CORO2B: variants seen among roughly 807,000 people sequenced by gnomAD.
CORO2B encodes the protein coronin 2B, also known as coronin-2B.
A neutral mutation model predicts 58.8 loss-of-function variants in CORO2B; 26 were observed. That is an observed-to-expected ratio of 0.44 (90% CI 0.32 to 0.61). The LOEUF (loss-of-function observed/expected upper bound fraction) is 0.61. Ranked by LOEUF, CORO2B falls within the 20% of genes least tolerant of loss-of-function variation. The probability of loss-of-function intolerance (pLI) is 0.04; values close to 1 mark genes in which losing one functional copy is unlikely to be tolerated. For synonymous variants in CORO2B, 242 were observed against 253.8 expected (o/e 0.95, Z 0.44); for missense variants, 460 against 645.1 (o/e 0.71, Z 3.11).
intron 1 of CORO2B, among the ~76,000 whole-genome samples, chr15:68,625,960 C>T (rs149138568): frequency 3.3e-5 from 5 of 152,282 alleles, no homozygotes; most frequent in Non-Finnish European, 2.9e-5. Context: ...GTAGTTTGCT[C>T]CTTTTATTGC....
upstream of CORO2B, among the ~76,000 whole-genome samples, chr15:68,574,964 A>G (rs753945071): frequency 1.6e-4 from 24 of 152,202 alleles, no homozygotes; most frequent in Non-Finnish European, 2.9e-4. Flanking sequence ...CTAATACTGC[A>G]ACGTCTTATT....
chr15:68,538,938 T>C, the CORO2B span, among the ~76,000 whole-genome samples: 4 of 152,248 alleles, frequency 2.6e-5, no homozygotes, highest in Non-Finnish European at 5.9e-5. Context: ...TCCTGAGGTG[T>C]TGATGGTTTG....
rs911459883 is a variant in CORO2B at position 68,710,286 on chromosome 15, G to C, written c.334-446G>C. ...TGCCCAGGGGTCCATCCTGGGTGGG[G>C]GACACAGTGGGGGATAAGGCCCTGC... On this transcript the variant is annotated intron_variant, in intron 3 of 11. Coordinates refer to ENST00000261861, the MANE Select transcript of CORO2B (RefSeq NM_006091.5). The surrounding 1 kb of genome is among the most constrained non-coding windows in gnomAD (Gnocchi z 4.1). 6.6e-6 allele frequency among the ~76,000 whole-genome samples: 1 copy of C among 152,162 alleles called. No individual in the cohort carries two copies. Among genetic ancestry groups the C allele is most frequent in the Non-Finnish European group, 1.5e-5 (1 of 68,026 alleles).
chr15:68,683,267 G>A (rs1048455940), intron 2 of CORO2B, among the ~76,000 whole-genome samples: 4 of 152,148 alleles, frequency 2.6e-5, no homozygotes, highest in African/African-American at 9.7e-5. Flanking sequence ...CCTGAAGGAC[G>A]AAGGCCTGTT....
At chr15:68,609,976 G>A (rs1335603536) in intron 1 of CORO2B, among the ~76,000 whole-genome samples, 1 of 152,184 alleles carries the variant, frequency 6.6e-6, no homozygotes, top group Admixed American at 6.5e-5. Flanking sequence ...TGTGCAACCA[G>A]CCTCTCCCCT....
At chr15:68,551,275 C>T in the CORO2B span, among the ~76,000 whole-genome samples, 7 of 152,206 alleles carry the variant, frequency 4.6e-5, no homozygotes, top group Middle Eastern at 3.4e-3. Context: ...TGCCTGACCC[C>T]CAGCCTACCT....
At chr15:68,668,407 TAAGATTACATCAGACAGTG>T (rs1323725274) in intron 2 of CORO2B, among the ~76,000 whole-genome samples, 2 of 144,116 alleles carry the variant, frequency 1.4e-5, no homozygotes, top group Non-Finnish European at 3.1e-5. Context: ...AAACAGTCGT[TAAGATTACATCAGACAGTG>T]ATGGGTGCTG....
At chr15:68,563,706 A>G in the CORO2B span, among the ~76,000 whole-genome samples, 1 of 152,112 alleles carries the variant, frequency 6.6e-6, no homozygotes. Flanking sequence ...ATTGGGGACA[A>G]TACTACCAAC....
intron 1 of CORO2B, among the ~76,000 whole-genome samples, chr15:68,615,704 G>A (rs1017705253): frequency 1.3e-5 from 2 of 152,196 alleles, no homozygotes; most frequent in Non-Finnish European, 2.9e-5. Context: ...CTTCCACCAT[G>A]TGAGGATGCA....
the CORO2B span, among the ~76,000 whole-genome samples, chr15:68,541,404 C>G: frequency 6.6e-6 from 1 of 152,116 alleles, no homozygotes; most frequent in African/African-American, 2.4e-5. Flanking sequence ...TAAATGAGTT[C>G]ATACTCAGTG....
At chr15:68,622,144 A>T (rs531891839) in intron 1 of CORO2B, among the ~76,000 whole-genome samples, 1 of 152,284 alleles carries the variant, frequency 6.6e-6, no homozygotes, top group African/African-American at 2.4e-5. Flanking sequence ...ATTAAATGAG[A>T]CGAAGTTGGA....
Position 68,591,858 on chromosome 15 carries a change from A to G in CORO2B, c.15+12581A>G, listed in dbSNP as rs149987532. ...AGTTTCCTTCTAGGAAAACGTGGTT[A>G]TAGCATGGCGAGAAGAGCACTGGAA... On this transcript the variant is annotated intron_variant, in intron 1 of 11. Coordinates refer to ENST00000261861, the MANE Select transcript of CORO2B (RefSeq NM_006091.5). Among the ~76,000 whole-genome samples, 11 of 152,312 alleles carry G rather than the reference A, an allele frequency of 7.2e-5. No homozygotes were observed. In the East Asian group the frequency reaches 2.1e-3, roughly 29 times the overall value.
chr15:68,586,612 G>C lies in CORO2B; in HGVS notation c.15+7335G>C, dbSNP rs962835576. Among the ~76,000 whole-genome samples the C allele has an allele frequency of 4.6e-5, 7 of 152,190 alleles. No homozygotes were observed. The South Asian group carries it at 6.2e-4, about 14-fold the overall frequency. On this transcript the variant is annotated intron_variant, in intron 1 of 11. Coordinates refer to ENST00000261861, the MANE Select transcript of CORO2B (RefSeq NM_006091.5). ...GTTATCATCCCTGCTTTACAGATAA[G>C]GACACAGGCACAGAGAAGCTAAGTC...
intron 1 of CORO2B, among the ~76,000 whole-genome samples, chr15:68,601,813 T>C (rs1380282187): frequency 1.3e-5 from 2 of 152,214 alleles, no homozygotes; most frequent in African/African-American, 4.8e-5. Context: ...CCCTCTGTGC[T>C]GCTGTAATAA....
At chr15:68,689,250 G>A (rs1490748244) in intron 2 of CORO2B, among the ~76,000 whole-genome samples, 1 of 152,004 alleles carries the variant, frequency 6.6e-6, no homozygotes, top group Non-Finnish European at 1.5e-5. Context: ...CAGGCAGCAA[G>A]GTCTCTGCCC....
At position 68,710,274 on chromosome 15, in the gene CORO2B, A is replaced by C. The variant is rs1892882483; in HGVS notation, c.334-458A>C. On this transcript the variant is annotated intron_variant, in intron 3 of 11. Transcript: ENST00000261861. The surrounding 1 kb of genome is among the most constrained non-coding windows in gnomAD (Gnocchi z 4.1). ...TGCAGTTCCCCCTGCCCAGGGGTCC[A>C]TCCTGGGTGGGGGACACAGTGGGGG... Among the ~76,000 whole-genome samples the C allele has an allele frequency of 6.6e-6, 1 of 152,136 alleles. No individual in the cohort carries two copies. The highest frequency in any genetic ancestry group is 1.5e-5 in the Non-Finnish European group (1 of 68,010).
At chr15:68,582,806 A>T (rs1272728526) in intron 1 of CORO2B, among the ~76,000 whole-genome samples, 1 of 151,668 alleles carries the variant, frequency 6.6e-6, no homozygotes, top group East Asian at 1.9e-4. Flanking sequence ...GTAAGGGAGG[A>T]GGTGGCTTAT....
At chr15:68,617,089 G>T (rs1003230958) in intron 1 of CORO2B, among the ~76,000 whole-genome samples, 5 of 152,186 alleles carry the variant, frequency 3.3e-5, no homozygotes, top group African/African-American at 1.2e-4. Flanking sequence ...AATGGTCCAG[G>T]TGTTGTTGGG....
intron 9 of CORO2B, 145 bp downstream of exon 9, chr15:68,718,955 C>G (rs916131840): frequency 1.2e-6 from 1 of 851,214 alleles, no homozygotes; most frequent in Non-Finnish European, 1.9e-6. Context: ...GAGGGGCATT[C>G]TCAGATGGGG....
Sources: gnomAD v4.1 joint callset for allele counts (sites outside exome capture counted in the v4.1 genomes callset) on GRCh38, gnomAD v4.1.1 for gene constraint, Gnocchi (gnomAD v3.1) non-coding constraint, MANE v1.5 for transcripts, NCBI Gene and HGNC (gene_info 2026-07-23, HGNC 2026-07-21) for gene names.